Variants in KCNJ3 observed in about 807,000 individuals in gnomAD.
The protein encoded by KCNJ3 is potassium inwardly rectifying channel subfamily J member 3.
Under a neutral mutation model 39.2 loss-of-function variants are expected in KCNJ3, and 4 were observed. The ratio of observed to expected loss-of-function variants is 0.10; its 90% confidence interval spans 0.05 to 0.23. The LOEUF is 0.23. Among genes scored for constraint, KCNJ3 ranks in the 10% least tolerant of loss-of-function variants. The pLI is 1.00. For missense variants in KCNJ3, 276 were observed against 634.9 expected, an observed-to-expected ratio of 0.43 and a Z score of 6.08; for synonymous variants, 230 against 237.4, an observed-to-expected ratio of 0.97 and a Z score of 0.29.
At chr2:154,838,742 G>C (rs1487670372) in intron 2 of KCNJ3, among the ~76,000 whole-genome samples, 1 of 152,120 alleles carries the variant, frequency 6.6e-6, no homozygotes, top group East Asian at 1.9e-4. Flanking sequence ...CAAGGCTTTA[G>C]TAATCTTTGA....
intron 2 of KCNJ3, among the ~76,000 whole-genome samples, chr2:154,710,617 G>A (rs1285600088): frequency 2.6e-5 from 4 of 151,948 alleles, no homozygotes; most frequent in South Asian, 2.1e-4. Context: ...GTATGTATAC[G>A]TATATGTGTG....
Position 154,768,124 on chromosome 2 carries a change from C to T in KCNJ3, c.919+58305C>T, listed in dbSNP as rs183482829. Among the ~76,000 whole-genome samples the T allele has an allele frequency of 3.4e-3, 516 of 152,228 alleles. 2 individuals are homozygous for T. Among genetic ancestry groups the T allele is most frequent in the Non-Finnish European group, 4.4e-3 (298 of 68,024 alleles). On this transcript the variant is annotated intron_variant, in intron 2 of 2. Coordinates refer to ENST00000295101, the MANE Select transcript of KCNJ3 (RefSeq NM_002239.4). ...TGGGTAGATTGCAAAAATTTTCTCCCGTTCTGTAGGTTGCCTGTTCACTCT... is the reference window on the plus strand; with the variant it reads ...TGGGTAGATTGCAAAAATTTTCTCCTGTTCTGTAGGTTGCCTGTTCACTCT...
intron 1 of KCNJ3, among the ~76,000 whole-genome samples, chr2:154,703,906 T>C (rs1684954232): frequency 1.3e-5 from 2 of 152,142 alleles, no homozygotes; most frequent in African/African-American, 4.8e-5. Flanking sequence ...GAACATCATC[T>C]AAGCCATTAG....
At chr2:154,754,502 C>A (rs1292068054) in intron 2 of KCNJ3, among the ~76,000 whole-genome samples, 1 of 152,106 alleles carries the variant, frequency 6.6e-6, no homozygotes, top group Non-Finnish European at 1.5e-5. Flanking sequence ...CTCAAACTCC[C>A]GACCTCCGGC....
intron 2 of KCNJ3, among the ~76,000 whole-genome samples, chr2:154,774,067 C>A (rs1686288783): frequency 6.6e-6 from 1 of 152,118 alleles, no homozygotes; most frequent in South Asian, 2.1e-4. Flanking sequence ...ATGCATATTG[C>A]TCTCCTATTT....
chr2:154,806,951 A>G (rs1686922705), intron 2 of KCNJ3, among the ~76,000 whole-genome samples: 1 of 152,216 alleles, frequency 6.6e-6, no homozygotes, highest in African/African-American at 2.4e-5. Context: ...AGACGGATGC[A>G]TAGGACAATA....
chr2:154,779,499 T>G (rs1440436093), intron 2 of KCNJ3, among the ~76,000 whole-genome samples: 1 of 146,082 alleles, frequency 6.8e-6, no homozygotes, highest in Admixed American at 6.9e-5. Flanking sequence ...TATATATATT[T>G]TATATATGTT....
At chr2:154,732,075 G>A (rs1374716395) in intron 2 of KCNJ3, among the ~76,000 whole-genome samples, 2 of 151,942 alleles carry the variant, frequency 1.3e-5, no homozygotes, top group South Asian at 2.1e-4. Context: ...CTTATAAGTC[G>A]AAGTCTCAAT....
At chr2:154,841,216 G>A (rs1372208526) in intron 2 of KCNJ3, among the ~76,000 whole-genome samples, 1 of 152,128 alleles carries the variant, frequency 6.6e-6, no homozygotes, top group Non-Finnish European at 1.5e-5. Flanking sequence ...CATTGGTTCT[G>A]TTTATGTGAT....
At chr2:154,843,203 T>C (rs1326426298) in intron 2 of KCNJ3, among the ~76,000 whole-genome samples, 1 of 152,182 alleles carries the variant, frequency 6.6e-6, no homozygotes, top group Non-Finnish European at 1.5e-5. Flanking sequence ...TGAAGCTTAG[T>C]TTGGCTGGAT....
chr2:154,831,955 G>C (rs1403267989), intron 2 of KCNJ3, among the ~76,000 whole-genome samples: 1 of 152,170 alleles, frequency 6.6e-6, no homozygotes, highest in African/African-American at 2.4e-5. Context: ...AGTCATGGCG[G>C]AAGGTGAAGG....
At chr2:154,726,353 TAAAA>T in intron 2 of KCNJ3, among the ~76,000 whole-genome samples, 1 of 151,942 alleles carries the variant, frequency 6.6e-6, no homozygotes, top group Non-Finnish European at 1.5e-5. Context: ...ACAAACACAT[TAAAA>T]AATGCTCAAC....
intron 2 of KCNJ3, among the ~76,000 whole-genome samples, chr2:154,735,419 C>T (rs1685514513): frequency 1.3e-5 from 2 of 151,958 alleles, no homozygotes; most frequent in East Asian, 3.9e-4. Flanking sequence ...CGGCCATAGG[C>T]CTGTTTCTTA....
In KCNJ3 at chr2:154,856,836, G is replaced by A. The variant is rs1448808411; in HGVS notation, c.*1523G>A. 2 of 152,006 alleles carry A rather than the reference G, an allele frequency of 1.3e-5. No homozygotes were observed. The highest frequency in any genetic ancestry group is 3.9e-4 in the East Asian group (2 of 5,190). The allele number at this position is 152,006 out of a possible 1,614,324, so 9.4% of individuals were successfully genotyped here. A position where few individuals can be genotyped will look rare whatever the true frequency, so the allele number is the denominator to read the frequency against. On this transcript the variant is annotated 3_prime_UTR_variant, in exon 3 of 3. Transcript: ENST00000295101. ...CAGACTTTTATGAAAATTTAAAAGT[G>A]CTCCTTAACAGAATATCATGGGTTT...
At chr2:154,720,534 A>G (rs763281758) in intron 2 of KCNJ3, among the ~76,000 whole-genome samples, 1 of 152,080 alleles carries the variant, frequency 6.6e-6, no homozygotes, top group East Asian at 1.9e-4. Context: ...CTTTATTTTC[A>G]TTTCAGATTC....
chr2:154,783,417 G>A lies in KCNJ3; in HGVS notation c.920-71310G>A, dbSNP rs566787775. On this transcript the variant is annotated intron_variant, in intron 2 of 2. Transcript: ENST00000295101. ...ACAAGACAGAAACAAGGAGACATGGGAATATGCTTTCATATGATGCAGCAA... is the reference window on the plus strand; with the variant it reads ...ACAAGACAGAAACAAGGAGACATGGAAATATGCTTTCATATGATGCAGCAA... Among the ~76,000 whole-genome samples, 4 of 152,170 alleles carry A rather than the reference G, an allele frequency of 2.6e-5. No homozygotes were observed. In the East Asian group the frequency reaches 7.7e-4, roughly 29 times the overall value.
intron 2 of KCNJ3, among the ~76,000 whole-genome samples, chr2:154,737,817 G>T (rs1685574704): frequency 6.6e-6 from 1 of 152,086 alleles, no homozygotes; most frequent in Non-Finnish European, 1.5e-5. Context: ...TATCTTAAAG[G>T]TGAAGAGTGG....
intron 2 of KCNJ3, among the ~76,000 whole-genome samples, chr2:154,731,867 G>A (rs769743472): frequency 6.6e-6 from 1 of 151,838 alleles, no homozygotes; most frequent in Non-Finnish European, 1.5e-5. Flanking sequence ...TCATTTCAGT[G>A]GGTCTTTGTA....
At chr2:154,780,182 A>T (rs531770000) in intron 2 of KCNJ3, among the ~76,000 whole-genome samples, 4 of 152,188 alleles carry the variant, frequency 2.6e-5, no homozygotes, top group African/African-American at 4.8e-5. Flanking sequence ...TGGTAAAGAA[A>T]AAAAGGCACA....
Sources: allele counts gnomAD v4.1 joint callset (sites outside exome capture counted in the v4.1 genomes callset), GRCh38; gene constraint gnomAD v4.1.1; transcripts MANE v1.5; gene names NCBI Gene and HGNC (gene_info 2026-07-23, HGNC 2026-07-21).